The following KHDRBS2 variants were observed in gnomAD, a reference collection of about 807,000 sequenced individuals.
The protein encoded by KHDRBS2 is KH domain-containing, RNA-binding, signal transduction-associated protein 2.
In KHDRBS2, 26 loss-of-function variants were observed where a neutral mutation model predicts 44.3. That is an observed-to-expected ratio of 0.59 (90% CI 0.43 to 0.81). The LOEUF is 0.81. KHDRBS2 is among the 40% of genes least tolerant of loss of function. The pLI is 0.00. For missense variants in KHDRBS2, 476 were observed against 433.1 expected (o/e 1.10, Z -0.88); for synonymous variants, 194 against 151.1 (o/e 1.28, Z -2.08).
chr6:61,794,581 T>C (rs1785054113), intron 6 of KHDRBS2, among the ~76,000 whole-genome samples: 1 of 152,082 alleles, frequency 6.6e-6, no homozygotes, highest in Non-Finnish European at 1.5e-5. Context: ...TTTTTTTCTC[T>C]AAAAATATTT....
chr6:61,589,827 A>T, the KHDRBS2 span, among the ~76,000 whole-genome samples: 1 of 152,316 alleles, frequency 6.6e-6, no homozygotes, highest in East Asian at 1.9e-4. Flanking sequence ...TATTTCCCTT[A>T]CAGAGGACTA....
At chr6:61,808,580 G>T (rs1267454858) in intron 6 of KHDRBS2, among the ~76,000 whole-genome samples, 3 of 152,046 alleles carry the variant, frequency 2.0e-5, no homozygotes, top group Non-Finnish European at 4.4e-5. Flanking sequence ...AATGGCTACT[G>T]CCAGAGTCAT....
At chr6:61,846,633 G>A (rs188127790) in intron 6 of KHDRBS2, among the ~76,000 whole-genome samples, 18 of 152,204 alleles carry the variant, frequency 1.2e-4, no homozygotes, top group Admixed American at 1.2e-3. Flanking sequence ...CCACTAAGAA[G>A]TCTTGTAATG....
At chr6:61,716,258 A>G (rs1771407494) in intron 7 of KHDRBS2, among the ~76,000 whole-genome samples, 1 of 151,962 alleles carries the variant, frequency 6.6e-6, no homozygotes. Flanking sequence ...GCCAGCATCA[A>G]CTGCTATATA....
intron 6 of KHDRBS2, among the ~76,000 whole-genome samples, chr6:61,740,436 T>G (rs1775979781): frequency 6.6e-6 from 1 of 151,890 alleles, no homozygotes. Flanking sequence ...TATCTATATC[T>G]AGTCGACAAA....
rs1279009235 is a variant in KHDRBS2 at position 62,285,862 on chromosome 6, T to C, written c.87A>G (p.Ala29=). ...ATCTGTGGGGGCAAGTCCTACCTTC[T>C]GCCAAAAGGCGCGACGCATGCACAA... ...PSFVHASRLL[A]EEIEKFQGSD... Residue 29 remains alanine, a synonymous_variant, in exon 1 of 9, where the codon GCA becomes GCG. Transcript: ENST00000281156. The C allele has an allele frequency of 6.2e-7, 1 of 1,612,008 alleles. No individual in the cohort carries two copies. Among genetic ancestry groups the C allele is most frequent in the Admixed American group, 1.7e-5 (1 of 59,880 alleles).
the KHDRBS2 span, among the ~76,000 whole-genome samples, chr6:61,551,476 T>C: frequency 6.6e-5 from 10 of 152,320 alleles, no homozygotes; most frequent in African/African-American, 2.4e-4. Context: ...CTAGGTTATC[T>C]TCCATGGTTT....
chr6:62,140,745 T>G (rs1379473078), intron 2 of KHDRBS2, among the ~76,000 whole-genome samples: 13 of 152,290 alleles, frequency 8.5e-5, no homozygotes, highest in African/African-American at 3.1e-4. Flanking sequence ...TGAGTAACAC[T>G]GATATTTAAG....
At chr6:61,685,592 T>G (rs1401262697) in intron 8 of KHDRBS2, among the ~76,000 whole-genome samples, 3 of 151,800 alleles carry the variant, frequency 2.0e-5, no homozygotes, top group African/African-American at 7.2e-5. Flanking sequence ...TGAATCAGGT[T>G]TTACAGACTG....
At chr6:62,107,883 T>C (rs208984) in intron 2 of KHDRBS2, among the ~76,000 whole-genome samples, 120,756 of 152,120 alleles carry the variant, frequency 0.79, 48,503 homozygotes, top group African/African-American at 0.91. Context: ...GGAAAACTTG[T>C]TAGCCATATG....
At chr6:61,824,293 C>T (rs1428223918) in intron 6 of KHDRBS2, among the ~76,000 whole-genome samples, 1 of 152,008 alleles carries the variant, frequency 6.6e-6, no homozygotes, top group East Asian at 1.9e-4. Flanking sequence ...TGGTTTTGAA[C>T]CATCCCCCTT....
intron 2 of KHDRBS2, among the ~76,000 whole-genome samples, chr6:62,148,664 C>T (rs982645618): frequency 2.0e-5 from 3 of 151,856 alleles, no homozygotes; most frequent in African/African-American, 7.3e-5. Context: ...TCACCATTTG[C>T]TCACGAAAAA....
At chr6:61,853,975 C>T (rs958711698) in intron 6 of KHDRBS2, among the ~76,000 whole-genome samples, 3 of 152,218 alleles carry the variant, frequency 2.0e-5, no homozygotes, top group African/African-American at 7.2e-5. Context: ...ACCTTGGTCA[C>T]ATGTCTCTAT....
At chr6:62,139,522 C>T (rs1490973856) in intron 2 of KHDRBS2, among the ~76,000 whole-genome samples, 8 of 149,792 alleles carry the variant, frequency 5.3e-5, no homozygotes, top group Non-Finnish European at 1.2e-4. Flanking sequence ...CACTACACTC[C>T]AGCCTGGGTG....
intron 4 of KHDRBS2, among the ~76,000 whole-genome samples, chr6:61,948,590 G>C (rs1764075967): frequency 1.3e-5 from 2 of 151,372 alleles, no homozygotes; most frequent in African/African-American, 2.4e-5. Flanking sequence ...TGTAATTCTT[G>C]CCATAAAGCA....
chr6:61,985,281 TTTTA>T lies in KHDRBS2; in HGVS notation c.337-7073_337-7070del, dbSNP rs573124769. ...TGCCATGATTTTAAAGACCGAAATA[TTTTA>T]TTTATTTATTTATTTTACTTCTCTC... On this transcript the variant is annotated intron_variant, in intron 3 of 8. Transcript: ENST00000281156. Among the ~76,000 whole-genome samples, 76 of 152,278 alleles carry T rather than the reference TTTTA, an allele frequency of 5.0e-4. 1 individual carries two copies. The South Asian group carries it at 0.013, about 27-fold the overall frequency.
At chr6:62,169,340 G>T (rs1302957959) in intron 2 of KHDRBS2, among the ~76,000 whole-genome samples, 14 of 151,588 alleles carry the variant, frequency 9.2e-5, no homozygotes, top group African/African-American at 3.4e-4. Context: ...GAATGTCTTA[G>T]GAATATGGAG....
chr6:61,884,507 G>A (rs191965143), intron 6 of KHDRBS2, among the ~76,000 whole-genome samples: 5 of 152,154 alleles, frequency 3.3e-5, no homozygotes, highest in East Asian at 3.9e-4. Flanking sequence ...TCTACCTGAA[G>A]TGTCTTTGTT....
intron 2 of KHDRBS2, among the ~76,000 whole-genome samples, chr6:62,087,809 C>T (rs139877602): frequency 8.9e-4 from 135 of 152,230 alleles, no homozygotes; most frequent in Non-Finnish European, 1.7e-3. Context: ...TTCCATTCTC[C>T]CTGTCACCTT....
Sources: allele counts gnomAD v4.1 joint callset (sites outside exome capture counted in the v4.1 genomes callset), GRCh38; gene constraint gnomAD v4.1.1; transcripts MANE v1.5; gene names NCBI Gene and HGNC (gene_info 2026-07-23, HGNC 2026-07-21).